Variants in CAMK1D observed in about 807,000 individuals in gnomAD.
The protein encoded by CAMK1D is calcium/calmodulin dependent protein kinase ID, also known as calcium/calmodulin-dependent protein kinase type 1D.
A neutral mutation model predicts 47.7 loss-of-function variants in CAMK1D; 9 were observed. The observed-to-expected ratio is 0.19, with a 90% CI of 0.11 to 0.33. CAMK1D has a LOEUF of 0.33. Among genes scored for constraint, CAMK1D ranks in the 10% least tolerant of loss-of-function variants. The probability of loss-of-function intolerance (pLI) is 1.00; values close to 1 mark genes in which losing one functional copy is unlikely to be tolerated. For missense variants in CAMK1D, 291 were observed against 488.7 expected (o/e 0.60, Z 3.81); for synonymous variants, 184 against 184.9 (o/e 0.99, Z 0.04).
intron 10 of CAMK1D, among the ~76,000 whole-genome samples, chr10:12,826,874 G>T (rs935606147): frequency 6.6e-6 from 1 of 152,194 alleles, no homozygotes; most frequent in Non-Finnish European, 1.5e-5. Flanking sequence ...CACTGGCATC[G>T]GCAGCAAAGC....
At chr10:12,387,932 G>A (rs1200299605) in intron 1 of CAMK1D, among the ~76,000 whole-genome samples, 1 of 152,148 alleles carries the variant, frequency 6.6e-6, no homozygotes. Context: ...CCCCACCAAT[G>A]CTTAGTTGCT....
intron 2 of CAMK1D, among the ~76,000 whole-genome samples, chr10:12,588,761 C>G (rs1270693841): frequency 1.3e-5 from 2 of 151,422 alleles, no homozygotes; most frequent in Non-Finnish European, 2.9e-5. Context: ...AGAGTTGTGT[C>G]AATTTAAAGT....
intron 1 of CAMK1D, among the ~76,000 whole-genome samples, chr10:12,465,825 T>G (rs185574460): frequency 2.7e-4 from 41 of 152,330 alleles, no homozygotes; most frequent in Admixed American, 2.4e-3. Flanking sequence ...AAGTCATCTC[T>G]TGAGTCATGA....
chr10:12,737,346 G>A (rs891474025), intron 3 of CAMK1D, among the ~76,000 whole-genome samples: 6 of 152,080 alleles, frequency 3.9e-5, no homozygotes, highest in African/African-American at 1.4e-4. Context: ...GATCATCCTA[G>A]ACAGAAATTG....
At chr10:12,739,951 A>G (rs1262439905) in intron 3 of CAMK1D, among the ~76,000 whole-genome samples, 1 of 152,218 alleles carries the variant, frequency 6.6e-6, no homozygotes, top group Non-Finnish European at 1.5e-5. Flanking sequence ...TGAAAAGTCA[A>G]AGATTTACTG....
chr10:12,466,095 A>T (rs528636059), intron 1 of CAMK1D, among the ~76,000 whole-genome samples: 1 of 152,190 alleles, frequency 6.6e-6, no homozygotes, highest in South Asian at 2.1e-4. Flanking sequence ...AGGAAGGAAG[A>T]TCTCTTTAGG....
At chr10:12,595,026 G>A (rs1170685757) in intron 2 of CAMK1D, among the ~76,000 whole-genome samples, 1 of 152,112 alleles carries the variant, frequency 6.6e-6, no homozygotes, top group African/African-American at 2.4e-5. Flanking sequence ...CCATGCTGAG[G>A]TTCCAGGCAT....
chr10:12,495,437 C>T (rs1259617750), intron 1 of CAMK1D, among the ~76,000 whole-genome samples: 2 of 152,186 alleles, frequency 1.3e-5, no homozygotes, highest in South Asian at 2.1e-4. Context: ...ATGCCTTTTC[C>T]GATGATCTAA....
intron 2 of CAMK1D, among the ~76,000 whole-genome samples, chr10:12,594,563 T>G (rs1177943275): frequency 6.6e-6 from 1 of 152,210 alleles, no homozygotes; most frequent in Non-Finnish European, 1.5e-5. Context: ...CCAATGACAA[T>G]GGGCTCTACG....
At chr10:12,695,764 G>A (rs60891210) in intron 3 of CAMK1D, among the ~76,000 whole-genome samples, 85,193 of 151,866 alleles carry the variant, frequency 0.56, 24,114 homozygotes, top group South Asian at 0.67. Flanking sequence ...CAATCCATGC[G>A]GAATGTAGTC....
intron 1 of CAMK1D, among the ~76,000 whole-genome samples, chr10:12,541,464 A>G (rs1225349489): frequency 6.6e-6 from 1 of 152,104 alleles, no homozygotes; most frequent in African/African-American, 2.4e-5. Context: ...CCTGGGTTCA[A>G]GCAGTTCTCC....
intron 1 of CAMK1D, among the ~76,000 whole-genome samples, chr10:12,352,468 G>C (rs990248104): frequency 4.6e-5 from 7 of 151,818 alleles, no homozygotes; most frequent in Admixed American, 3.3e-4. Flanking sequence ...AATTAGCCGG[G>C]TGTGGTGGTG....
intron 1 of CAMK1D, among the ~76,000 whole-genome samples, chr10:12,401,105 A>T (rs867467396): frequency 0.031 from 2,211 of 71,964 alleles, 97 homozygotes; most frequent in Middle Eastern, 0.045. Flanking sequence ...TTATATATAT[A>T]TTTTATATAT....
At chr10:12,356,294 G>A (rs1294247304) in intron 1 of CAMK1D, among the ~76,000 whole-genome samples, 1 of 152,166 alleles carries the variant, frequency 6.6e-6, no homozygotes, top group Non-Finnish European at 1.5e-5. Flanking sequence ...CAAGGACCTG[G>A]GCTTGGACGA....
chr10:12,827,671 C>T (rs1293987387), intron 10 of CAMK1D, among the ~76,000 whole-genome samples: 1 of 145,362 alleles, frequency 6.9e-6, no homozygotes, highest in African/African-American at 2.6e-5. Flanking sequence ...TCTCCCTTCT[C>T]CCCTCTCCTT....
At chr10:12,774,652 T>C (rs1043423986) in intron 5 of CAMK1D, among the ~76,000 whole-genome samples, 2 of 152,156 alleles carry the variant, frequency 1.3e-5, no homozygotes, top group African/African-American at 4.8e-5. Flanking sequence ...TGATACTGAT[T>C]CGGGGCCTGT....
At chr10:12,765,885 G>A (rs1418821033) in intron 4 of CAMK1D, among the ~76,000 whole-genome samples, 1 of 151,296 alleles carries the variant, frequency 6.6e-6, no homozygotes, top group African/African-American at 2.4e-5. Context: ...ATTTGTATAG[G>A]ACACAAAAAA....
At chr10:12,585,150 C>T (rs1454696815) in intron 2 of CAMK1D, among the ~76,000 whole-genome samples, 1 of 152,196 alleles carries the variant, frequency 6.6e-6, no homozygotes, top group Non-Finnish European at 1.5e-5. Flanking sequence ...TTCTTCACAG[C>T]TCAGCCAGGC....
At chr10:12,595,473 C>T (rs993007619) in intron 2 of CAMK1D, among the ~76,000 whole-genome samples, 2 of 151,898 alleles carry the variant, frequency 1.3e-5, no homozygotes, top group African/African-American at 2.4e-5. Flanking sequence ...CACCTTCCCC[C>T]GATTCTAGGC....
Sources: gnomAD v4.1 joint callset for allele counts (sites outside exome capture counted in the v4.1 genomes callset) on GRCh38, gnomAD v4.1.1 for gene constraint, MANE v1.5 for transcripts, NCBI Gene and HGNC (gene_info 2026-07-23, HGNC 2026-07-21) for gene names.